Variants in GULP1 observed in about 807,000 individuals in gnomAD.
The protein encoded by GULP1 is PTB domain-containing engulfment adapter protein 1.
Under a neutral mutation model 40.9 loss-of-function variants are expected in GULP1, and 19 were observed. That is an observed-to-expected ratio of 0.46 (90% CI 0.32 to 0.68). GULP1 has a LOEUF of 0.68. GULP1 is among the 30% of genes least tolerant of loss of function. The probability of loss-of-function intolerance (pLI) is 0.03; values close to 1 mark genes in which losing one functional copy is unlikely to be tolerated. For missense variants in GULP1, 312 were observed against 362.2 expected (o/e 0.86, Z 1.12); for synonymous variants, 119 against 117.6 (o/e 1.01, Z -0.08).
chr2:188,422,357 A>G (rs1489516801), intron 2 of GULP1, among the ~76,000 whole-genome samples: 2 of 151,330 alleles, frequency 1.3e-5, no homozygotes, highest in Admixed American at 6.6e-5. Flanking sequence ...TTCAATTGCA[A>G]TTGTACTTGC....
Position 188,532,753 on chromosome 2 carries a change from TA to T in GULP1, c.261+3576del, listed in dbSNP as rs5837093. On this transcript the variant is annotated intron_variant, in intron 6 of 11. Coordinates refer to ENST00000409830, the MANE Select transcript of GULP1 (RefSeq NM_016315.4). The stretch of plus-strand genomic sequence containing the variant: ...CAACATGATGAAACCCTGTCTCTAC[TA>T]AAAAAAAAAAAAAAAAAGTAGCTGG... Among the ~76,000 whole-genome samples, 800 of 125,764 alleles carry T rather than the reference TA, an allele frequency of 6.4e-3. 8 individuals are homozygous for T. Among genetic ancestry groups the T allele is most frequent in the African/African-American group, 0.022 (748 of 33,300 alleles). 82.5% of individuals were successfully genotyped at this position (125,764 alleles called of 152,430 possible). A position where few individuals can be genotyped will look rare whatever the true frequency, so the allele number is the denominator to read the frequency against.
intron 3 of GULP1, 60 bp from the exon 4 acceptor site, chr2:188,483,371 A>G: frequency 1.3e-6 from 1 of 747,552 alleles, no homozygotes; most frequent in Admixed American, 2.0e-5. Flanking sequence ...TACAAATGGT[A>G]ATGCGTGAAT....
intron 2 of GULP1, among the ~76,000 whole-genome samples, chr2:188,391,305 T>C (rs2050492396): frequency 6.6e-6 from 1 of 152,154 alleles, no homozygotes; most frequent in Non-Finnish European, 1.5e-5. Flanking sequence ...TTAGTTCTCT[T>C]TGTAGAGATC....
intron 9 of GULP1, among the ~76,000 whole-genome samples, chr2:188,582,968 A>C (rs961143997): frequency 6.6e-6 from 1 of 152,208 alleles, no homozygotes; most frequent in Non-Finnish European, 1.5e-5. Flanking sequence ...GGAAAAAGAA[A>C]AACAGAATAG....
In GULP1 at chr2:188,462,713, A is replaced by G. The variant is rs141994477; in HGVS notation, c.-44-14946A>G. Among the ~76,000 whole-genome samples the G allele has an allele frequency of 3.8e-4, 58 of 151,880 alleles. 1 individual carries two copies. The East Asian group carries it at 9.5e-3, about 25-fold the overall frequency. On this transcript the variant is annotated intron_variant, in intron 2 of 11. Transcript: ENST00000409830. ...TACAGTTTCTTCCTGTTTTCCTTTT[A>G]TTGAAGATGATTTTGTCTGGTGATA...
At chr2:188,300,458 ATTAC>A (rs150286679) in intron 1 of GULP1, among the ~76,000 whole-genome samples, 1,700 of 152,226 alleles carry the variant, frequency 0.011, 25 homozygotes, top group African/African-American at 0.038. Context: ...TATGGTGTGG[ATTAC>A]TTACTGATCA....
At chr2:188,324,904 G>T (rs1315896040) in intron 1 of GULP1, among the ~76,000 whole-genome samples, 1 of 151,924 alleles carries the variant, frequency 6.6e-6, no homozygotes, top group Non-Finnish European at 1.5e-5. Context: ...AAACACAGAA[G>T]TCAGAAGACA....
intron 2 of GULP1, among the ~76,000 whole-genome samples, chr2:188,387,325 A>G (rs1303006063): frequency 6.6e-6 from 1 of 152,202 alleles, no homozygotes. Context: ...TATCAAGTAT[A>G]CATTTATCTA....
chr2:188,445,553 T>C (rs1195111715), intron 2 of GULP1, among the ~76,000 whole-genome samples: 4 of 152,190 alleles, frequency 2.6e-5, no homozygotes, highest in African/African-American at 9.7e-5. Context: ...TCATGTCTCT[T>C]ATATCTATTT....
chr2:188,569,764 A>G (rs1698626412), intron 8 of GULP1: 1 of 366,292 alleles, frequency 2.7e-6, no homozygotes, highest in South Asian at 3.2e-5. Context: ...TTATGGGTAT[A>G]GATTGCACAG....
At chr2:188,313,775 CCTCTTTTATTT>C (rs1465352300) in intron 1 of GULP1, among the ~76,000 whole-genome samples, 4 of 151,766 alleles carry the variant, frequency 2.6e-5, no homozygotes, top group Non-Finnish European at 4.4e-5. Flanking sequence ...TTGTTTGCAT[CCTCTTTTATTT>C]CTCTTTTATT....
At chr2:188,373,973 G>A (rs1395133042) in intron 1 of GULP1, among the ~76,000 whole-genome samples, 1 of 151,962 alleles carries the variant, frequency 6.6e-6, no homozygotes, top group Admixed American at 6.6e-5. Flanking sequence ...ATCTTCAAAA[G>A]AAGTGAAGAT....
At chr2:188,486,341 G>A (rs2061858584) in intron 4 of GULP1, among the ~76,000 whole-genome samples, 1 of 151,784 alleles carries the variant, frequency 6.6e-6, no homozygotes, top group Non-Finnish European at 1.5e-5. Context: ...AAATAGGAAT[G>A]GTATATAAGT....
At chr2:188,508,711 G>GA (rs917402406) in intron 4 of GULP1, among the ~76,000 whole-genome samples, 1 of 151,326 alleles carries the variant, frequency 6.6e-6, no homozygotes, top group Non-Finnish European at 1.5e-5. Flanking sequence ...AAAATAATAA[G>GA]AAAAAAAATG....
chr2:188,474,164 A>G (rs1458392545), intron 2 of GULP1, among the ~76,000 whole-genome samples: 1 of 152,204 alleles, frequency 6.6e-6, no homozygotes, highest in Non-Finnish European at 1.5e-5. Context: ...GATGCAAGAC[A>G]GAGTCCTTTC....
intron 2 of GULP1, among the ~76,000 whole-genome samples, chr2:188,402,745 A>AT (rs1210779640): frequency 6.6e-6 from 1 of 151,956 alleles, no homozygotes; most frequent in African/African-American, 2.4e-5. Context: ...CTAGAGTGGA[A>AT]TTTTCTAAAT....
chr2:188,317,816 C>A (rs746086579), intron 1 of GULP1, among the ~76,000 whole-genome samples: 1 of 150,550 alleles, frequency 6.6e-6, no homozygotes, highest in African/African-American at 2.4e-5. Context: ...TATATTGTGG[C>A]ATATGTATAG....
chr2:188,530,599 G>A (rs1023451168), intron 6 of GULP1, among the ~76,000 whole-genome samples: 8 of 152,182 alleles, frequency 5.3e-5, no homozygotes, highest in South Asian at 2.1e-4. Context: ...CCAGGGATAC[G>A]TACACTCAGA....
chr2:188,568,249 T>C (rs915395922), intron 7 of GULP1, among the ~76,000 whole-genome samples: 16 of 152,186 alleles, frequency 1.1e-4, no homozygotes, highest in Admixed American at 2.0e-4. Flanking sequence ...AGTTAAAGCA[T>C]AGCATTTTCA....
Sources: allele counts gnomAD v4.1 joint callset (sites outside exome capture counted in the v4.1 genomes callset), GRCh38; gene constraint gnomAD v4.1.1; transcripts MANE v1.5; gene names NCBI Gene and HGNC (gene_info 2026-07-23, HGNC 2026-07-21).